RFX3: variants seen among roughly 807,000 people sequenced by gnomAD.
The protein encoded by RFX3 is regulatory factor X3, also known as transcription factor RFX3.
A neutral mutation model predicts 98.6 loss-of-function variants in RFX3; 14 were observed. That is an observed-to-expected ratio of 0.14 (90% CI 0.09 to 0.22). The LOEUF (loss-of-function observed/expected upper bound fraction) is 0.22. Among genes scored for constraint, RFX3 ranks in the 10% least tolerant of loss-of-function variants. RFX3 has a pLI of 1.00. For synonymous variants in RFX3, 383 were observed against 328.4 expected (o/e 1.17, Z -1.80); for missense variants, 639 against 926.9 (o/e 0.69, Z 4.03).
intron 4 of RFX3, among the ~76,000 whole-genome samples, chr9:3,321,173 G>C (rs900584505): frequency 2.6e-5 from 4 of 151,854 alleles, no homozygotes; most frequent in Non-Finnish European, 4.4e-5. Flanking sequence ...CAAACTGCTG[G>C]GATTACACAC....
intron 2 of RFX3, among the ~76,000 whole-genome samples, chr9:3,355,973 G>C (rs1231739688): frequency 2.6e-5 from 4 of 151,782 alleles, no homozygotes; most frequent in Non-Finnish European, 5.9e-5. Context: ...AGGGAAATTA[G>C]ACAATGTATT....
At chr9:3,297,235 T>A (rs1164682157) in intron 5 of RFX3, among the ~76,000 whole-genome samples, 1 of 152,142 alleles carries the variant, frequency 6.6e-6, no homozygotes, top group Non-Finnish European at 1.5e-5. Flanking sequence ...TCTTTTGCTC[T>A]TTTATAAAAT....
At chr9:3,361,685 A>G (rs1289173903) in intron 2 of RFX3, among the ~76,000 whole-genome samples, 1 of 150,454 alleles carries the variant, frequency 6.6e-6, no homozygotes, top group African/African-American at 2.4e-5. Flanking sequence ...AAAAAAAAGT[A>G]AAATAAATTG....
chr9:3,449,779 A>G (rs1372995669), intron 1 of RFX3, among the ~76,000 whole-genome samples: 4 of 151,862 alleles, frequency 2.6e-5, no homozygotes, highest in African/African-American at 9.7e-5. Context: ...TTTGAGCCCA[A>G]GAGATTGAAG....
chr9:3,503,397 T>C (rs1816265902), intron 1 of RFX3, among the ~76,000 whole-genome samples: 1 of 126,608 alleles, frequency 7.9e-6, no homozygotes, highest in Admixed American at 7.9e-5. Flanking sequence ...CACATTTATG[T>C]TATATTTATT....
At chr9:3,461,044 G>C (rs974804846) in intron 1 of RFX3, among the ~76,000 whole-genome samples, 5 of 150,692 alleles carry the variant, frequency 3.3e-5, no homozygotes, top group African/African-American at 1.2e-4. Flanking sequence ...TCATCGCTGA[G>C]ATTTACTATT....
rs777692576 is a variant in RFX3 at position 3,346,692 on chromosome 9, C to T, written c.190G>A (p.Asp64Asn). The change falls in exon 3 of 17, where the codon GAT becomes AAT. Residue 64 changes from aspartate to asparagine, a missense_variant. Asp to Asn is a conservative substitution (Grantham distance 23). Transcript: ENST00000617270. ...ATTGCTCCATTGGTATAGACAGTAT[C>T]GCTTCCTTCCACATACTGCACCTGA... ...PAQVQYVEGS[D>N]TVYTNGAIRT... 6.8e-6 allele frequency: 11 copies of T among 1,611,414 alleles called. No homozygotes were observed. The highest frequency in any genetic ancestry group is 1.3e-5 in the African/African-American group (1 of 74,844).
chr9:3,506,808 G>A (rs769568408), intron 1 of RFX3, among the ~76,000 whole-genome samples: 9 of 151,818 alleles, frequency 5.9e-5, no homozygotes, highest in Admixed American at 2.6e-4. Context: ...CCAGCTACAT[G>A]ATACTCTATT....
intron 15 of RFX3, chr9:3,247,336 C>T (rs763481952): frequency 2.0e-6 from 2 of 987,262 alleles, no homozygotes; most frequent in South Asian, 4.7e-5. Context: ...TTCCCCCTTA[C>T]ATCATTAGTG....
Position 3,525,955 on chromosome 9 carries a change from A to C in RFX3, c.-217T>G, listed in dbSNP as rs577800202. On this transcript the variant is annotated 5_prime_UTR_variant, in exon 1 of 17. Transcript: ENST00000617270. ...GAGAGAGAGAGGGAGAGAGAGAGAG[A>C]GCGAGAGGGAGAGGGAGACACTCGC... is the stretch of plus-strand genomic sequence containing the variant. 1.1e-4 allele frequency: 58 copies of C among 534,018 alleles called. No homozygotes were observed. Among genetic ancestry groups the C allele is most frequent in the East Asian group, 1.7e-4 (1 of 5,864 alleles). The allele number at this position is 534,018 out of a possible 1,614,324, so 33.1% of individuals were successfully genotyped here.
chr9:3,434,828 T>A (rs1844972525), intron 1 of RFX3, among the ~76,000 whole-genome samples: 1 of 152,052 alleles, frequency 6.6e-6, no homozygotes, highest in Non-Finnish European at 1.5e-5. Context: ...ATTAGGCAAT[T>A]TCATCATGTT....
In RFX3 at chr9:3,221,166, C is replaced by T. The variant is rs1817323138; in HGVS notation, c.*3876G>A. 1 of 152,082 alleles carries T rather than the reference C, an allele frequency of 6.6e-6. No homozygotes were observed. Among genetic ancestry groups the T allele is most frequent in the Non-Finnish European group, 1.5e-5 (1 of 67,994 alleles). 9.4% of individuals were successfully genotyped at this position (152,082 alleles called of 1,614,324 possible). ...TCTACTTGTGTCCACACAGGGAGGA[C>T]CAACATCACAGTGACACTATTTTTT... is the stretch of plus-strand genomic sequence containing the variant. On this transcript the variant is annotated 3_prime_UTR_variant, in exon 17 of 17. Transcript: ENST00000617270.
intron 1 of RFX3, among the ~76,000 whole-genome samples, chr9:3,470,027 A>C (rs1325500906): frequency 6.6e-6 from 1 of 152,210 alleles, no homozygotes; most frequent in Admixed American, 6.5e-5. Flanking sequence ...CAAGAAAGAG[A>C]AGGTCAAGAA....
At chr9:3,365,039 C>A (rs746778393) in intron 2 of RFX3, among the ~76,000 whole-genome samples, 2 of 152,080 alleles carry the variant, frequency 1.3e-5, no homozygotes, top group Non-Finnish European at 2.9e-5. Flanking sequence ...TGGTGGCTCA[C>A]GCCTGTAATC....
chr9:3,394,897 T>C (rs868071079), intron 2 of RFX3: 1 of 923,488 alleles, frequency 1.1e-6, no homozygotes, highest in Non-Finnish European at 1.3e-6. Context: ...GAATAAGACC[T>C]GTAGTAAATA....
chr9:3,415,059 C>T (rs1338959257), intron 1 of RFX3, among the ~76,000 whole-genome samples: 2 of 105,888 alleles, frequency 1.9e-5, no homozygotes, highest in Non-Finnish European at 3.4e-5. Context: ...TATATATATA[C>T]TCATATATAA....
At chr9:3,401,733 A>C (rs1841486349) in intron 1 of RFX3, among the ~76,000 whole-genome samples, 1 of 152,196 alleles carries the variant, frequency 6.6e-6, no homozygotes, top group African/African-American at 2.4e-5. Flanking sequence ...TGTTTGACAA[A>C]GGACCTTTTT....
chr9:3,437,301 T>C (rs562323784), intron 1 of RFX3, among the ~76,000 whole-genome samples: 2 of 152,162 alleles, frequency 1.3e-5, no homozygotes, highest in Admixed American at 1.3e-4. Context: ...GCATCATTCG[T>C]CAGCTTACAA....
At chr9:3,232,533 T>C (rs1818606642) in intron 15 of RFX3, among the ~76,000 whole-genome samples, 1 of 152,196 alleles carries the variant, frequency 6.6e-6, no homozygotes, top group African/African-American at 2.4e-5. Context: ...GTTCTCTTCA[T>C]AAATGTATCC....
Sources: allele counts gnomAD v4.1 joint callset (sites outside exome capture counted in the v4.1 genomes callset), GRCh38; gene constraint gnomAD v4.1.1; transcripts MANE v1.5; gene names NCBI Gene and HGNC (gene_info 2026-07-23, HGNC 2026-07-21).